IMMP2L: variants seen among roughly 807,000 people sequenced by gnomAD.
IMMP2L encodes the protein inner mitochondrial membrane peptidase subunit 2.
IMMP2L carries 18 observed loss-of-function variants against 19.3 expected under a neutral mutation model. The ratio of observed to expected loss-of-function variants is 0.93; its 90% CI spans 0.64 to 1.38. The LOEUF is 1.38. IMMP2L is among the 40% of genes most tolerant of loss of function. The pLI is 0.00. For missense variants in IMMP2L, 233 were observed against 218.2 expected (o/e 1.07, Z -0.43); for synonymous variants, 76 against 73.0 (o/e 1.04, Z -0.21).
At chr7:111,539,250 G>GAAAGAAAGAA (rs1848295021) in intron 1 of IMMP2L, among the ~76,000 whole-genome samples, 4 of 143,708 alleles carry the variant, frequency 2.8e-5, no homozygotes, top group African/African-American at 1.0e-4. Context: ...AAGAAAGAAA[G>GAAAGAAAGAA]AAAGAAAGAA....
At chr7:111,115,934 C>T (rs1261674057) in intron 3 of IMMP2L, among the ~76,000 whole-genome samples, 1 of 152,126 alleles carries the variant, frequency 6.6e-6, no homozygotes, top group Non-Finnish European at 1.5e-5. Flanking sequence ...AACTCAGCCT[C>T]CCAAAGGGCT....
At chr7:111,225,707 A>AG (rs1255800399) in intron 3 of IMMP2L, among the ~76,000 whole-genome samples, 2 of 151,734 alleles carry the variant, frequency 1.3e-5, no homozygotes, top group Non-Finnish European at 2.9e-5. Context: ...AAAAAAAAAA[A>AG]AAGAATGGGT....
chr7:110,916,656 G>C (rs867519935), intron 4 of IMMP2L, among the ~76,000 whole-genome samples: 1 of 152,144 alleles, frequency 6.6e-6, no homozygotes, highest in Non-Finnish European at 1.5e-5. Context: ...AGTCTGGCAG[G>C]AATGCCAAAT....
At chr7:111,447,593 C>G (rs547069508) in intron 3 of IMMP2L, among the ~76,000 whole-genome samples, 3 of 150,946 alleles carry the variant, frequency 2.0e-5, no homozygotes, top group Admixed American at 6.6e-5. Flanking sequence ...GTACCAGCCG[C>G]TGCAAAATCA....
chr7:111,086,393 T>C (rs1334184446), intron 3 of IMMP2L, among the ~76,000 whole-genome samples: 1 of 152,020 alleles, frequency 6.6e-6, no homozygotes, highest in Non-Finnish European at 1.5e-5. Context: ...CAGTGAACTA[T>C]GATCATGCCA....
At chr7:111,302,288 T>C (rs10259890) in intron 3 of IMMP2L, among the ~76,000 whole-genome samples, 2,372 of 152,210 alleles carry the variant, frequency 0.016, 85 homozygotes, top group African/African-American at 0.054. Flanking sequence ...CTGAAAATTT[T>C]ATCATTTATT....
At chr7:110,875,807 C>G (rs531088677) in intron 5 of IMMP2L, among the ~76,000 whole-genome samples, 2 of 152,222 alleles carry the variant, frequency 1.3e-5, no homozygotes, top group Admixed American at 1.3e-4. Flanking sequence ...TAAGTAGGTC[C>G]TAGTTAATGA....
At chr7:110,977,984 T>C (rs1033357044) in intron 3 of IMMP2L, among the ~76,000 whole-genome samples, 6 of 152,084 alleles carry the variant, frequency 3.9e-5, no homozygotes, top group Non-Finnish European at 7.4e-5. Flanking sequence ...AATTGTTTCA[T>C]CTGTTGTGTA....
Position 111,123,707 on chromosome 7 carries a change from G to C in IMMP2L, c.240-160142C>G, listed in dbSNP as rs370102376. 7.2e-5 allele frequency: 116 copies of C among 1,613,736 alleles called. No homozygotes were observed. The highest frequency in any genetic ancestry group is 9.6e-5 in the Non-Finnish European group (113 of 1,179,940). On this transcript the variant is annotated intron_variant, in intron 3 of 5. Transcript: ENST00000405709. This position sits in a 1 kb window ranked among gnomAD's most constrained non-coding sequence, Gnocchi z 6.4. ...GCTGTGGATAACCTGCCAGATTTAA[G>C]AAAAATAGAAGCTACTAACAACCCT...
At chr7:110,780,323 T>TA (rs992420844) in intron 5 of IMMP2L, among the ~76,000 whole-genome samples, 7 of 150,560 alleles carry the variant, frequency 4.6e-5, no homozygotes, top group African/African-American at 1.5e-4. Flanking sequence ...GTTTTTGTGT[T>TA]AAAAAAAACA....
At chr7:110,745,663 T>A (rs1797287034) in intron 5 of IMMP2L, among the ~76,000 whole-genome samples, 1 of 152,010 alleles carries the variant, frequency 6.6e-6, no homozygotes, top group Admixed American at 6.6e-5. Flanking sequence ...GCTTCATAAG[T>A]GAAGGAGAAA....
At chr7:111,114,231 A>C (rs564239994) in intron 3 of IMMP2L, among the ~76,000 whole-genome samples, 1 of 152,246 alleles carries the variant, frequency 6.6e-6, no homozygotes, top group South Asian at 2.1e-4. Flanking sequence ...CAAATGTTTA[A>C]AATTCTTCAA....
At chr7:111,148,475 C>G (rs1803721182) in intron 3 of IMMP2L, among the ~76,000 whole-genome samples, 1 of 151,850 alleles carries the variant, frequency 6.6e-6, no homozygotes, top group Non-Finnish European at 1.5e-5. Context: ...TATTAACATT[C>G]ATGGAATTAC....
At chr7:110,812,079 T>C (rs975435375) in intron 5 of IMMP2L, among the ~76,000 whole-genome samples, 1 of 152,068 alleles carries the variant, frequency 6.6e-6, no homozygotes, top group East Asian at 1.9e-4. Context: ...AATAAACCTA[T>C]AGATACATAT....
At chr7:111,286,010 T>C (rs959726153) in intron 3 of IMMP2L, among the ~76,000 whole-genome samples, 1 of 152,172 alleles carries the variant, frequency 6.6e-6, no homozygotes, top group Non-Finnish European at 1.5e-5. Flanking sequence ...CTTACACTTG[T>C]AGGTTGTTAT....
intron 2 of IMMP2L, among the ~76,000 whole-genome samples, chr7:111,513,370 T>C (rs1458638554): frequency 3.9e-5 from 6 of 152,078 alleles, no homozygotes; most frequent in Admixed American, 2.0e-4. Context: ...ATATCACTAA[T>C]TATCAGGGAA....
At chr7:111,072,769 T>C (rs1342688858) in intron 3 of IMMP2L, among the ~76,000 whole-genome samples, 1 of 151,740 alleles carries the variant, frequency 6.6e-6, no homozygotes, top group African/African-American at 2.4e-5. Flanking sequence ...GTGGTAGGCA[T>C]CTGTAGTCTC....
chr7:110,943,334 C>T (rs1816917862), intron 4 of IMMP2L, among the ~76,000 whole-genome samples: 1 of 151,942 alleles, frequency 6.6e-6, no homozygotes, highest in African/African-American at 2.4e-5. Context: ...GATACAAGTG[C>T]AAAACCAATT....
chr7:111,469,471 G>C (rs955439264), intron 3 of IMMP2L, among the ~76,000 whole-genome samples: 6 of 151,934 alleles, frequency 3.9e-5, no homozygotes, highest in Non-Finnish European at 8.8e-5. Flanking sequence ...GGTCCTTCAT[G>C]TCCCTTGTAA....
Sources: allele counts gnomAD v4.1 joint callset (sites outside exome capture counted in the v4.1 genomes callset), GRCh38; gene constraint gnomAD v4.1.1; non-coding constraint Gnocchi (gnomAD v3.1); transcripts MANE v1.5; gene names NCBI Gene and HGNC (gene_info 2026-07-23, HGNC 2026-07-21).